The following LRIF1 variants were observed in gnomAD, a reference collection of about 807,000 sequenced individuals.
LRIF1 encodes the protein ligand-dependent nuclear receptor-interacting factor 1.
In LRIF1, 32 loss-of-function variants were observed where a neutral mutation model predicts 52.7. The observed-to-expected ratio is 0.61, with a 90% CI of 0.46 to 0.82. The LOEUF (loss-of-function observed/expected upper bound fraction) is 0.82, where lower values mean the gene tolerates loss of function less well. LRIF1 is among the 40% of genes least tolerant of loss of function. The probability of loss-of-function intolerance (pLI) is 0.00; values close to 1 mark genes in which losing one functional copy is unlikely to be tolerated. For missense variants in LRIF1, 887 were observed against 892.0 expected (o/e 0.99, Z 0.07); for synonymous variants, 323 against 317.4 (o/e 1.02, Z -0.19).
At chr1:110,894,310 T>A in the LRIF1 span, 1 of 1,612,190 alleles carries the variant, frequency 6.2e-7, no homozygotes, top group Non-Finnish European at 8.5e-7. Flanking sequence ...TGTGAGAATG[T>A]ATCTGCTTTG....
the LRIF1 span, among the ~76,000 whole-genome samples, chr1:110,929,722 G>T: frequency 1.3e-5 from 2 of 152,150 alleles, no homozygotes; most frequent in East Asian, 3.9e-4. Flanking sequence ...AACATGGATG[G>T]AGCTAGAGGC....
At chr1:110,942,129 A>G in the LRIF1 span, 1 of 152,096 alleles carries the variant, frequency 6.6e-6, no homozygotes, top group Non-Finnish European at 1.5e-5. Context: ...TCTCCTGTGG[A>G]TGGGAATTTA....
At chr1:110,912,569 C>T in the LRIF1 span, among the ~76,000 whole-genome samples, 2 of 152,018 alleles carry the variant, frequency 1.3e-5, no homozygotes, top group African/African-American at 4.8e-5. Context: ...GGAATGTAAT[C>T]CCATTCATGA....
At position 110,947,515 on chromosome 1, in the gene LRIF1, A is replaced by T. The variant is rs1298692625; in HGVS notation, c.*444T>A. The stretch of plus-strand genomic sequence containing the variant: ...AGGTATCATCATTTTAAGGGTAAAG[A>T]GATAAAGCAAGTACATATACAAATC... On this transcript the variant is annotated 3_prime_UTR_variant, in exon 4 of 4. Transcript: ENST00000369763. 6.5e-6 allele frequency: 1 copy of T among 153,486 alleles called. No individual in the cohort carries two copies. Among genetic ancestry groups the T allele is most frequent in the Non-Finnish European group, 1.4e-5 (1 of 69,026 alleles). 9.5% of individuals were successfully genotyped at this position (153,486 alleles called of 1,614,324 possible).
the LRIF1 span, among the ~76,000 whole-genome samples, chr1:110,898,170 G>GATC: frequency 6.6e-6 from 1 of 152,058 alleles, no homozygotes; most frequent in African/African-American, 2.4e-5. Flanking sequence ...GAGGTCAGGA[G>GATC]ATCAAGACCA....
At chr1:110,952,999 C>A in intron 1 of LRIF1, 184 bp from the exon 2 acceptor site, 1 of 267,536 alleles carries the variant, frequency 3.7e-6, no homozygotes, top group African/African-American at 2.2e-5. Context: ...ATATAGTCAA[C>A]TGCTTATATG....
At chr1:110,919,582 T>C in the LRIF1 span, among the ~76,000 whole-genome samples, 1 of 152,164 alleles carries the variant, frequency 6.6e-6, no homozygotes, top group Non-Finnish European at 1.5e-5. Context: ...CCCTAACTAA[T>C]ACAACCTCCA....
the LRIF1 span, among the ~76,000 whole-genome samples, chr1:110,876,066 T>C: frequency 6.6e-6 from 1 of 152,110 alleles, no homozygotes; most frequent in African/African-American, 2.4e-5. Context: ...AAAATGAGAG[T>C]GCTATATTCC....
chr1:110,879,968 A>G, the LRIF1 span, among the ~76,000 whole-genome samples: 1 of 152,216 alleles, frequency 6.6e-6, no homozygotes, highest in African/African-American at 2.4e-5. Flanking sequence ...GTCAAAAAAA[A>G]GACAGGGATG....
At chr1:110,883,666 T>A in the LRIF1 span, among the ~76,000 whole-genome samples, 1 of 151,972 alleles carries the variant, frequency 6.6e-6, no homozygotes, top group East Asian at 1.9e-4. Flanking sequence ...CAATAAGACA[T>A]CTGGACTAGC....
chr1:110,883,444 G>A, the LRIF1 span, among the ~76,000 whole-genome samples: 1 of 151,894 alleles, frequency 6.6e-6, no homozygotes, highest in Non-Finnish European at 1.5e-5. Flanking sequence ...ATCGTTAGAT[G>A]CTTTTTACTA....
chr1:110,894,942 T>C, the LRIF1 span: 1 of 1,601,586 alleles, frequency 6.2e-7, no homozygotes, highest in African/African-American at 1.3e-5. Context: ...TCTCCTCTGC[T>C]GGAATGTGCC....
At chr1:110,935,434 C>A in the LRIF1 span, among the ~76,000 whole-genome samples, 1 of 152,070 alleles carries the variant, frequency 6.6e-6, no homozygotes, top group Non-Finnish European at 1.5e-5. Context: ...CACAGAAATT[C>A]AAGATAACAC....
At chr1:110,950,269 ACT>A in intron 2 of LRIF1, 146 bp from the exon 3 acceptor site, 1 of 904,440 alleles carries the variant, frequency 1.1e-6, no homozygotes, top group Non-Finnish European at 1.6e-6. Context: ...TACCACCCAC[ACT>A]CAAAAAACTG....
the LRIF1 span, among the ~76,000 whole-genome samples, chr1:110,909,012 C>A: frequency 3.0e-4 from 45 of 152,178 alleles, no homozygotes; most frequent in Non-Finnish European, 1.2e-4. Context: ...TGTACAAGGG[C>A]TAACAGTGGA....
rs1320031465 is a variant in LRIF1 at position 110,949,833 on chromosome 1, T to A, written c.1869+18A>T. 6.2e-7 allele frequency: 1 copy of A among 1,608,284 alleles called. No individual in the cohort carries two copies. Among genetic ancestry groups the A allele is most frequent in the Non-Finnish European group, 8.5e-7 (1 of 1,176,710 alleles). On this transcript the variant is annotated intron_variant, in intron 3 of 3. Coordinates refer to ENST00000369763, the MANE Select transcript of LRIF1 (RefSeq NM_018372.4). ...ATTTGTAGTACCTATGAAGAGCACA[T>A]TAAAATGTATTACCTACCTGTTTTC... is the stretch of plus-strand genomic sequence containing the variant.
the LRIF1 span, among the ~76,000 whole-genome samples, chr1:110,880,604 A>G: frequency 6.6e-6 from 1 of 152,020 alleles, no homozygotes; most frequent in Non-Finnish European, 1.5e-5. Context: ...TGAGTTAGTT[A>G]TTTTCCTATG....
the LRIF1 span, among the ~76,000 whole-genome samples, chr1:110,934,589 C>G: frequency 5.0e-3 from 755 of 152,288 alleles, 4 homozygotes; most frequent in Middle Eastern, 0.01. Flanking sequence ...GCAGTGGCTA[C>G]AGCATGAGGC....
At chr1:110,898,723 T>C in the LRIF1 span, among the ~76,000 whole-genome samples, 14 of 152,146 alleles carry the variant, frequency 9.2e-5, no homozygotes, top group African/African-American at 3.4e-4. Flanking sequence ...GTTGGGTATA[T>C]CATAGATTAG....
Sources: gnomAD v4.1 joint callset for allele counts (sites outside exome capture counted in the v4.1 genomes callset) on GRCh38, gnomAD v4.1.1 for gene constraint, MANE v1.5 for transcripts, NCBI Gene and HGNC (gene_info 2026-07-23, HGNC 2026-07-21) for gene names.